DIAPH2: variants seen among roughly 807,000 people sequenced by gnomAD.
DIAPH2 encodes the protein diaphanous related formin 2, also known as protein diaphanous homolog 2.
DIAPH2 carries 35 observed loss-of-function variants against 92.7 expected under a neutral mutation model. That is an observed-to-expected ratio of 0.38 (90% confidence interval 0.29 to 0.50). The LOEUF is 0.50. DIAPH2 is among the 20% of genes least tolerant of loss of function. DIAPH2 has a pLI of 0.94. For missense variants in DIAPH2, 701 were observed against 819.5 expected (o/e 0.86, Z 1.77); for synonymous variants, 301 against 280.4 (o/e 1.07, Z -0.73).
chrX:96,957,802 T>C (rs1399090707), intron 15 of DIAPH2, 26 bp from the exon 16 acceptor site: 7 of 1,074,932 alleles, frequency 6.5e-6, no homozygotes, highest in Admixed American at 4.7e-5. Flanking sequence ...TTATAAGCAT[T>C]TAAACTTGGA....
chrX:96,773,279 CTAACA>C (rs2064353004), intron 4 of DIAPH2, among the ~76,000 whole-genome samples: 1 of 85,904 alleles, frequency 1.2e-5, no homozygotes, highest in Admixed American at 1.4e-4. Context: ...TGTTGAAACC[CTAACA>C]TATCAGAATG....
chrX:96,924,962 T>C (rs1261661339), intron 9 of DIAPH2, among the ~76,000 whole-genome samples: 1 of 111,286 alleles, frequency 9.0e-6, no homozygotes, highest in African/African-American at 3.3e-5. Context: ...GCTCTCCTTG[T>C]TTTTCCTTCA....
chrX:96,770,889 G>A (rs2064334615), intron 4 of DIAPH2, among the ~76,000 whole-genome samples: 1 of 111,813 alleles, frequency 8.9e-6, no homozygotes, highest in Non-Finnish European at 1.9e-5. Context: ...GCAACGAGTA[G>A]CTACTTTCCC....
intron 4 of DIAPH2, among the ~76,000 whole-genome samples, chrX:96,799,674 G>T (rs2064567073): frequency 9.1e-6 from 1 of 110,206 alleles, no homozygotes; most frequent in African/African-American, 3.3e-5. Context: ...CGGGCATCGT[G>T]GCGCGTGCCT....
At chrX:96,972,335 T>G (rs1340692328) in intron 17 of DIAPH2, among the ~76,000 whole-genome samples, 1 of 112,162 alleles carries the variant, frequency 8.9e-6, no homozygotes, top group East Asian at 2.8e-4. Flanking sequence ...CTCATATCTA[T>G]AATATTTAAA....
chrX:97,048,008 C>T (rs1331959320), intron 17 of DIAPH2, among the ~76,000 whole-genome samples: 2 of 110,081 alleles, frequency 1.8e-5, no homozygotes, highest in African/African-American at 3.3e-5. Flanking sequence ...TCAAGCAAGA[C>T]CAGGAAAACA....
At chrX:96,754,505 C>G (rs961486773) in intron 3 of DIAPH2, among the ~76,000 whole-genome samples, 1 of 111,343 alleles carries the variant, frequency 9.0e-6, no homozygotes, top group African/African-American at 3.3e-5. Flanking sequence ...TGCCACCCAC[C>G]TTAACACACA....
intron 4 of DIAPH2, among the ~76,000 whole-genome samples, chrX:96,847,920 A>G (rs1045094441): frequency 8.0e-5 from 9 of 111,914 alleles, no homozygotes; most frequent in Non-Finnish European, 1.1e-4. Context: ...TCTTGTTGAT[A>G]TGATTCTATA....
In DIAPH2 at chrX:97,320,044, G is replaced by A. The variant is rs1034402138; in HGVS notation, c.2845-28072G>A. Among the ~76,000 whole-genome samples the A allele has an allele frequency of 2.8e-5, 3 of 105,912 alleles. No individual in the cohort carries two copies. The Admixed American group carries it at 3.1e-4, about 11-fold the overall frequency. 92.0% of individuals were successfully genotyped at this position (105,912 alleles called of 115,157 possible). On this transcript the variant is annotated intron_variant, in intron 23 of 26. Coordinates refer to ENST00000324765, the MANE Select transcript of DIAPH2 (RefSeq NM_006729.5). ...GAACCTGGGAGGCGGAGGTTCCAGC[G>A]AGCCAAGATTGCGCCATTGCACTCC...
At chrX:96,933,226 A>G (rs996194106) in intron 10 of DIAPH2, among the ~76,000 whole-genome samples, 1 of 108,593 alleles carries the variant, frequency 9.2e-6, no homozygotes, top group African/African-American at 3.3e-5. Context: ...TTTGGTTGGG[A>G]AAAAAAAAAT....
At chrX:97,507,523 C>T (rs2070845590) in intron 26 of DIAPH2, among the ~76,000 whole-genome samples, 1 of 111,276 alleles carries the variant, frequency 9.0e-6, no homozygotes, top group Non-Finnish European at 1.9e-5. Flanking sequence ...GATTATCTAG[C>T]CTCCTTATGA....
intron 23 of DIAPH2, among the ~76,000 whole-genome samples, chrX:97,308,834 G>T (rs2147637313): frequency 9.5e-6 from 1 of 105,138 alleles, no homozygotes; most frequent in African/African-American, 3.4e-5. Flanking sequence ...TGTTAGCCAG[G>T]ATGGATGAAA....
chrX:97,215,644 T>C (rs2067877242), intron 22 of DIAPH2, among the ~76,000 whole-genome samples: 1 of 111,777 alleles, frequency 8.9e-6, no homozygotes, highest in Admixed American at 9.5e-5. Context: ...GGAACCTCCG[T>C]ACTTTATATT....
At chrX:97,492,719 T>C (rs911933828) in intron 26 of DIAPH2, among the ~76,000 whole-genome samples, 10 of 111,699 alleles carry the variant, frequency 9.0e-5, no homozygotes, top group African/African-American at 3.3e-4. Context: ...TATTATAAGC[T>C]CACTGCCTTC....
At chrX:97,013,189 A>T (rs1345131625) in intron 17 of DIAPH2, among the ~76,000 whole-genome samples, 2 of 112,280 alleles carry the variant, frequency 1.8e-5, no homozygotes, top group Non-Finnish European at 3.8e-5. Context: ...TGGCGTGTTC[A>T]CTGACAACCA....
intron 26 of DIAPH2, among the ~76,000 whole-genome samples, chrX:97,461,884 A>T (rs1420282911): frequency 8.9e-6 from 1 of 111,750 alleles, no homozygotes; most frequent in Admixed American, 9.6e-5. Flanking sequence ...ATAAGTATAT[A>T]TACATATTGA....
At chrX:96,983,351 C>T (rs1320296304) in intron 17 of DIAPH2, among the ~76,000 whole-genome samples, 1 of 111,093 alleles carries the variant, frequency 9.0e-6, no homozygotes, top group African/African-American at 3.3e-5. Flanking sequence ...AATTCATGAC[C>T]TTAGTGTTAT....
rs1420454432 is a variant in DIAPH2, at chrX:97,312,348, T to A, written c.2845-35768T>A. The stretch of plus-strand genomic sequence containing the variant: ...ATCACTTTTGATCAATAGAATCCTT[T>A]TTTTTTTTTTTTTTTTTTTTTTTTG... On this transcript the variant is annotated intron_variant, in intron 23 of 26. Coordinates refer to ENST00000324765, the MANE Select transcript of DIAPH2 (RefSeq NM_006729.5). Among the ~76,000 whole-genome samples the A allele has an allele frequency of 9.3e-3, 624 of 67,293 alleles. 41 individuals carry two copies. Among genetic ancestry groups the A allele is most frequent in the East Asian group, 0.048 (102 of 2,104 alleles). 58.4% of individuals were successfully genotyped at this position (67,293 alleles called of 115,157 possible).
At chrX:97,235,559 G>A (rs903615186) in intron 22 of DIAPH2, among the ~76,000 whole-genome samples, 1 of 98,277 alleles carries the variant, frequency 1.0e-5, no homozygotes, top group Non-Finnish European at 2.0e-5. Context: ...AGCCAAGATC[G>A]CACCAATGCA....
Sources: allele counts gnomAD v4.1 joint callset (sites outside exome capture counted in the v4.1 genomes callset), GRCh38; gene constraint gnomAD v4.1.1; transcripts MANE v1.5; gene names NCBI Gene and HGNC (gene_info 2026-07-23, HGNC 2026-07-21).